ELL2: variants seen among roughly 807,000 people sequenced by gnomAD.
ELL2 encodes the protein RNA polymerase II elongation factor ELL2.
Under a neutral mutation model 72.8 loss-of-function variants are expected in ELL2, and 21 were observed. The ratio of observed to expected loss-of-function variants is 0.29; its 90% CI spans 0.20 to 0.42. The LOEUF is 0.42. Ranked by LOEUF, ELL2 falls within the 10% of genes least tolerant of loss-of-function variation. The probability of loss-of-function intolerance (pLI) is 1.00; values close to 1 mark genes in which losing one functional copy is unlikely to be tolerated. For synonymous variants in ELL2, 266 were observed against 283.2 expected, an observed-to-expected ratio of 0.94 and a Z score of 0.61; for missense variants, 568 against 772.8, an observed-to-expected ratio of 0.73 and a Z score of 3.14.
chr5:95,940,313 T>C (rs78671283), intron 2 of ELL2, among the ~76,000 whole-genome samples: 5,785 of 152,306 alleles, frequency 0.038, 180 homozygotes, highest in Admixed American at 0.075. Flanking sequence ...TTGCTATACT[T>C]TAATATTTCA....
chr5:95,895,096 A>G (rs1289512077), intron 9 of ELL2, among the ~76,000 whole-genome samples: 1 of 152,264 alleles, frequency 6.6e-6, no homozygotes, highest in Non-Finnish European at 1.5e-5. Flanking sequence ...GCATTTAGCA[A>G]CTTGTTGTCA....
At chr5:95,941,676 ACTCTTCCTCTAGCC>A (rs988112412) in intron 2 of ELL2, among the ~76,000 whole-genome samples, 1 of 151,962 alleles carries the variant, frequency 6.6e-6, no homozygotes, top group African/African-American at 2.4e-5. Flanking sequence ...CAAACCTTAT[ACTCTTCCTCTAGCC>A]CTCTTCTCCC....
intron 2 of ELL2, among the ~76,000 whole-genome samples, chr5:95,938,158 G>C (rs1215119366): frequency 6.6e-6 from 1 of 152,150 alleles, no homozygotes; most frequent in Non-Finnish European, 1.5e-5. Flanking sequence ...AAAAAAACGA[G>C]AAGAAAAATC....
At chr5:95,949,398 G>A (rs1002564063) in intron 1 of ELL2, among the ~76,000 whole-genome samples, 5 of 152,020 alleles carry the variant, frequency 3.3e-5, no homozygotes, top group African/African-American at 1.2e-4. Context: ...ACAACTGTCA[G>A]TTTTACAAAT....
intron 9 of ELL2, 122 bp downstream of exon 9, chr5:95,895,505 AG>A: frequency 1.2e-6 from 1 of 833,746 alleles, no homozygotes; most frequent in Non-Finnish European, 1.9e-6. Flanking sequence ...TTCAATTGCA[AG>A]GGTGGCTCCA....
chr5:95,905,300 CAT>C (rs1749316432), intron 5 of ELL2, among the ~76,000 whole-genome samples: 1 of 152,054 alleles, frequency 6.6e-6, no homozygotes, highest in African/African-American at 2.4e-5. Flanking sequence ...TACACAATCA[CAT>C]AATTACTGCC....
At chr5:95,930,575 A>G (rs1315558844) in intron 2 of ELL2, among the ~76,000 whole-genome samples, 2 of 152,226 alleles carry the variant, frequency 1.3e-5, no homozygotes, top group African/African-American at 2.4e-5. Flanking sequence ...TCTGCTTTCA[A>G]TATCAATTGT....
intron 2 of ELL2, among the ~76,000 whole-genome samples, chr5:95,935,253 T>C (rs536577755): frequency 6.2e-4 from 94 of 152,336 alleles, no homozygotes; most frequent in Non-Finnish European, 1.1e-3. Context: ...TTCTGCCTGC[T>C]TAGAGTTATA....
chr5:95,894,304 G>T (rs1748785110), intron 9 of ELL2, among the ~76,000 whole-genome samples: 1 of 152,112 alleles, frequency 6.6e-6, no homozygotes, highest in Non-Finnish European at 1.5e-5. Flanking sequence ...TGAATCCATG[G>T]GCAAAAGTTT....
intron 1 of ELL2, among the ~76,000 whole-genome samples, chr5:95,953,723 G>A (rs1187192187): frequency 2.6e-5 from 4 of 152,190 alleles, no homozygotes; most frequent in Middle Eastern, 3.4e-3. Context: ...AGAAATAAAG[G>A]AATCAAAACA....
intron 3 of ELL2, among the ~76,000 whole-genome samples, chr5:95,914,795 A>G (rs866024011): frequency 1.3e-5 from 2 of 152,224 alleles, no homozygotes; most frequent in South Asian, 4.2e-4. Flanking sequence ...CAGTAAGCTG[A>G]GATGGCGCCA....
At chr5:95,913,578 C>A (rs551689993) in intron 4 of ELL2, 193 bp downstream of exon 4, 5 of 518,434 alleles carry the variant, frequency 9.6e-6, no homozygotes, top group Non-Finnish European at 1.6e-5. Context: ...AGTCATAGAA[C>A]TTTAAAATAT....
chr5:95,954,596 C>CTTTTTTTTTTTTTTTTTTTTTTT (rs1169301940), intron 1 of ELL2, among the ~76,000 whole-genome samples: 6 of 105,870 alleles, frequency 5.7e-5, no homozygotes, highest in Admixed American at 1.1e-4. Flanking sequence ...TTTTTTTTTT[C>CTTTTTTTTTTTTTTTTTTTTTTT]TTTTTTTTTT....
At chr5:95,895,957 G>T (rs772137258) in intron 8 of ELL2, among the ~76,000 whole-genome samples, 19 of 152,146 alleles carry the variant, frequency 1.2e-4, no homozygotes, top group South Asian at 4.1e-4. Flanking sequence ...CTTAACCCAA[G>T]GTCAGTCTTC....
chr5:95,945,462 T>C (rs985458777), intron 1 of ELL2, among the ~76,000 whole-genome samples: 1 of 152,210 alleles, frequency 6.6e-6, no homozygotes, highest in Non-Finnish European at 1.5e-5. Context: ...CTCCCTATTT[T>C]GCCATGCTGC....
At chr5:95,918,082 G>C (rs544691053) in intron 3 of ELL2, among the ~76,000 whole-genome samples, 3 of 152,274 alleles carry the variant, frequency 2.0e-5, no homozygotes, top group African/African-American at 7.2e-5. Flanking sequence ...GAAATGAAGG[G>C]ATTGACTCAC....
chr5:95,909,399 T>A (rs1168428283), intron 4 of ELL2, among the ~76,000 whole-genome samples: 1 of 152,146 alleles, frequency 6.6e-6, no homozygotes. Context: ...TACTCAAAGA[T>A]CACTTGTTCA....
chr5:95,953,358 A>C (rs754262628), intron 1 of ELL2, among the ~76,000 whole-genome samples: 65 of 152,354 alleles, frequency 4.3e-4, no homozygotes, highest in Non-Finnish European at 7.6e-4. Context: ...AAACATCTTA[A>C]GATACTCAGC....
intron 1 of ELL2, among the ~76,000 whole-genome samples, chr5:95,951,067 G>A (rs1751377344): frequency 6.6e-6 from 1 of 151,364 alleles, no homozygotes; most frequent in East Asian, 1.9e-4. Context: ...CTGTGAACCA[G>A]CCTTTAAATC....
Sources: allele counts gnomAD v4.1 joint callset (sites outside exome capture counted in the v4.1 genomes callset), GRCh38; gene constraint gnomAD v4.1.1; transcripts MANE v1.5; gene names NCBI Gene and HGNC (gene_info 2026-07-23, HGNC 2026-07-21).